Variants in HS3ST4 observed in about 807,000 individuals in gnomAD.
HS3ST4 encodes heparan sulfate glucosamine 3-O-sulfotransferase 4.
A neutral mutation model predicts 29.2 loss-of-function variants in HS3ST4; 17 were observed. That is an observed-to-expected ratio of 0.58 (90% CI 0.40 to 0.87). The LOEUF (loss-of-function observed/expected upper bound fraction) is 0.87. Ranked by LOEUF, HS3ST4 falls within the 40% of genes least tolerant of loss-of-function variation. The pLI is 0.00. For synonymous variants in HS3ST4, 314 were observed against 285.7 expected (o/e 1.10, Z -1.00); for missense variants, 627 against 634.5 (o/e 0.99, Z 0.13).
chr16:25,773,570 G>A (rs1187206008), intron 1 of HS3ST4, among the ~76,000 whole-genome samples: 2 of 152,152 alleles, frequency 1.3e-5, no homozygotes, highest in East Asian at 1.9e-4. Flanking sequence ...TTGAAAATAG[G>A]AAGTTATTTA....
At chr16:25,696,954 G>A (rs760450374) in intron 1 of HS3ST4, among the ~76,000 whole-genome samples, 6 of 152,170 alleles carry the variant, frequency 3.9e-5, no homozygotes, top group African/African-American at 4.8e-5. Flanking sequence ...ACGTGGCTCC[G>A]AGAGGGTAAA....
intron 1 of HS3ST4, among the ~76,000 whole-genome samples, chr16:26,074,011 G>C (rs1898631041): frequency 6.6e-6 from 1 of 152,122 alleles, no homozygotes; most frequent in African/African-American, 2.4e-5. Flanking sequence ...GTACCATCAA[G>C]ACCTTGCATT....
At position 25,703,677 on chromosome 16, in the gene HS3ST4, G is replaced by A. The variant is rs530004906; in HGVS notation, c.734+10526G>A. The stretch of plus-strand genomic sequence containing the variant: ...ATGGACAGGCTGCTGCAGGAGTCTT[G>A]CCCTCACAGTAAACAGTGGAAGTGG... On this transcript the variant is annotated intron_variant, in intron 1 of 1. Coordinates refer to ENST00000331351, the MANE Select transcript of HS3ST4 (RefSeq NM_006040.3). Among the ~76,000 whole-genome samples the A allele has an allele frequency of 3.1e-3, 436 of 140,168 alleles. 2 individuals carry two copies. The highest frequency in any genetic ancestry group is 9.6e-3 in the African/African-American group (376 of 39,048). The allele number at this position is 140,168 out of a possible 152,430, so 92.0% of individuals were successfully genotyped here.
intron 1 of HS3ST4, among the ~76,000 whole-genome samples, chr16:26,002,908 A>C (rs979475620): frequency 2.7e-5 from 4 of 150,134 alleles, no homozygotes; most frequent in Non-Finnish European, 5.9e-5. Flanking sequence ...GTTTCAAGAG[A>C]AAAAAACTTT....
chr16:26,032,881 G>T, intron 1 of HS3ST4: 1 of 1,384,594 alleles, frequency 7.2e-7, no homozygotes, highest in South Asian at 1.2e-5. Flanking sequence ...GGCTTTGGTC[G>T]GTCTGGGGGT....
intron 1 of HS3ST4, among the ~76,000 whole-genome samples, chr16:25,889,719 A>G (rs1287510082): frequency 6.6e-6 from 1 of 152,128 alleles, no homozygotes; most frequent in African/African-American, 2.4e-5. Flanking sequence ...CACTCCCTGC[A>G]TGATATTTTT....
intron 1 of HS3ST4, among the ~76,000 whole-genome samples, chr16:26,059,317 C>G (rs1898448005): frequency 6.6e-6 from 1 of 152,068 alleles, no homozygotes; most frequent in South Asian, 2.1e-4. Flanking sequence ...CCTCCTCTCT[C>G]CTTGCCTCTC....
intron 1 of HS3ST4, among the ~76,000 whole-genome samples, chr16:25,770,720 C>G (rs972129217): frequency 6.6e-6 from 1 of 152,196 alleles, no homozygotes; most frequent in African/African-American, 2.4e-5. Context: ...TTCGTTTGGG[C>G]TGCTTGCTTC....
At position 26,117,559 on chromosome 16, in the gene HS3ST4, A is replaced by G. The variant is rs1029641471; in HGVS notation, c.735-18053A>G. ...CATGGCTGAGGTCGCTCCATATCCA[A>G]CTAAATGCTGTGTCTGCTGCTCCAG... is the stretch of plus-strand genomic sequence containing the variant. On this transcript the variant is annotated intron_variant, in intron 1 of 1. Transcript: ENST00000331351. Among the ~76,000 whole-genome samples the G allele has an allele frequency of 2.0e-5, 3 of 152,206 alleles. No homozygotes were observed. In the East Asian group the frequency reaches 5.8e-4, roughly 29 times the overall value.
chr16:26,051,553 G>T (rs915633157), intron 1 of HS3ST4, among the ~76,000 whole-genome samples: 6 of 152,084 alleles, frequency 3.9e-5, no homozygotes, highest in Non-Finnish European at 7.4e-5. Context: ...ATATGTCAAA[G>T]ATCACACAGA....
chr16:26,023,226 T>C (rs1969432588), intron 1 of HS3ST4, among the ~76,000 whole-genome samples: 1 of 152,116 alleles, frequency 6.6e-6, no homozygotes, highest in South Asian at 2.1e-4. Flanking sequence ...TTGTACCACT[T>C]ACTTTCCCAT....
chr16:25,857,958 TTCTTTCTTTCTTTCTCTTTTCTG>T (rs1967597488), intron 1 of HS3ST4, among the ~76,000 whole-genome samples: 9 of 57,714 alleles, frequency 1.6e-4, no homozygotes, highest in African/African-American at 8.2e-4. Flanking sequence ...CTTTCTTTCT[TTCTTTCTTTCTTTCTCTTTTCTG>T]TCTTTCTTTT....
intron 1 of HS3ST4, among the ~76,000 whole-genome samples, chr16:25,978,932 TTC>T (rs1968972835): frequency 2.1e-5 from 2 of 95,796 alleles, no homozygotes; most frequent in South Asian, 7.9e-4. Context: ...GACTTGTTCT[TTC>T]TCTTTTTGTT....
At chr16:25,949,021 A>G (rs1485874868) in intron 1 of HS3ST4, among the ~76,000 whole-genome samples, 5 of 151,120 alleles carry the variant, frequency 3.3e-5, no homozygotes, top group Non-Finnish European at 7.4e-5. Context: ...GCTGGGTCCC[A>G]CTGCTTTTTG....
At position 25,980,709 on chromosome 16, in the gene HS3ST4, T is replaced by A. The variant is rs186716151; in HGVS notation, c.735-154903T>A. ...TAAAATGCACCCAGATTTGTTTTAA[T>A]CAGGTATGATAAAACACAGACAAGG... On this transcript the variant is annotated intron_variant, in intron 1 of 1. Transcript: ENST00000331351. 3.3e-5 allele frequency among the ~76,000 whole-genome samples: 5 copies of A among 152,250 alleles called. No homozygotes were observed. In the East Asian group the frequency reaches 9.7e-4, roughly 29 times the overall value.
chr16:25,820,467 C>T (rs1468335424), intron 1 of HS3ST4, among the ~76,000 whole-genome samples: 3 of 152,156 alleles, frequency 2.0e-5, no homozygotes, highest in African/African-American at 4.8e-5. Context: ...AGTCATAGCT[C>T]ACTGTAGCCT....
chr16:25,963,065 A>G (rs1447087277), intron 1 of HS3ST4, among the ~76,000 whole-genome samples: 4 of 152,228 alleles, frequency 2.6e-5, no homozygotes, highest in Non-Finnish European at 5.9e-5. Context: ...AGAAGAAAAA[A>G]ATTAAATTAA....
chr16:25,966,726 T>C (rs1968846595), intron 1 of HS3ST4, among the ~76,000 whole-genome samples: 1 of 152,184 alleles, frequency 6.6e-6, no homozygotes, highest in South Asian at 2.1e-4. Context: ...GAGATAGTCT[T>C]GCAACATACC....
intron 1 of HS3ST4, among the ~76,000 whole-genome samples, chr16:25,993,931 C>A (rs1450784168): frequency 6.8e-6 from 1 of 147,488 alleles, no homozygotes. Context: ...TTCCATCTTG[C>A]CTATGCTCAC....
Sources: allele counts gnomAD v4.1 joint callset (sites outside exome capture counted in the v4.1 genomes callset), GRCh38; gene constraint gnomAD v4.1.1; transcripts MANE v1.5; gene names NCBI Gene and HGNC (gene_info 2026-07-23, HGNC 2026-07-21).